Variants in HPSE2 observed in about 807,000 individuals in gnomAD.
HPSE2 encodes the protein heparanase 2 (inactive), also known as inactive heparanase-2.
Under a neutral mutation model 60.5 loss-of-function variants are expected in HPSE2, and 38 were observed. That is an observed-to-expected ratio of 0.63 (90% CI 0.48 to 0.82). The LOEUF is 0.82. Among genes scored for constraint, HPSE2 ranks in the 40% least tolerant of loss-of-function variants. HPSE2 has a pLI of 0.00. For missense variants in HPSE2, 713 were observed against 740.4 expected (o/e 0.96, Z 0.43); for synonymous variants, 295 against 293.2 (o/e 1.01, Z -0.06).
intron 6 of HPSE2, among the ~76,000 whole-genome samples, chr10:98,664,842 A>T (rs185458500): frequency 3.9e-5 from 6 of 152,342 alleles, no homozygotes; most frequent in African/African-American, 1.4e-4. Context: ...GCCCTCTCAG[A>T]TGAGAAAGAA....
intron 9 of HPSE2, among the ~76,000 whole-genome samples, chr10:98,600,925 A>ATATATATATATAT (rs1265653024): frequency 1.0e-4 from 3 of 29,166 alleles, no homozygotes; most frequent in East Asian, 2.2e-3. Flanking sequence ...ATATATATAT[A>ATATATATATATAT]TATATATATA....
intron 9 of HPSE2, among the ~76,000 whole-genome samples, chr10:98,592,328 C>A (rs985362483): frequency 6.6e-6 from 1 of 152,214 alleles, no homozygotes; most frequent in Non-Finnish European, 1.5e-5. Flanking sequence ...GAATAACCAG[C>A]CTTCTGTCAC....
intron 5 of HPSE2, among the ~76,000 whole-genome samples, chr10:98,708,779 T>C (rs962746118): frequency 2.6e-5 from 4 of 152,208 alleles, no homozygotes; most frequent in African/African-American, 7.2e-5. Flanking sequence ...CATCCTTCTC[T>C]TTTTAGAAAG....
At chr10:98,980,130 C>T (rs369591572) in intron 3 of HPSE2, among the ~76,000 whole-genome samples, 33 of 152,244 alleles carry the variant, frequency 2.2e-4, no homozygotes, top group African/African-American at 7.7e-4. Flanking sequence ...GGCTAAAACC[C>T]GAACTTTGCT....
intron 6 of HPSE2, among the ~76,000 whole-genome samples, chr10:98,651,715 G>A (rs1490768508): frequency 6.6e-6 from 1 of 151,546 alleles, no homozygotes; most frequent in Non-Finnish European, 1.5e-5. Flanking sequence ...AAAGATGACT[G>A]CTATCATTTT....
At chr10:99,305,929 G>T in the HPSE2 span, among the ~76,000 whole-genome samples, 789 of 136,256 alleles carry the variant, frequency 5.8e-3, 9 homozygotes, top group Non-Finnish European at 9.0e-3. Flanking sequence ...AAACTCAAAA[G>T]AAATCAATAG....
At chr10:98,533,989 G>A (rs1020289182) in intron 9 of HPSE2, among the ~76,000 whole-genome samples, 2 of 152,176 alleles carry the variant, frequency 1.3e-5, no homozygotes, top group African/African-American at 2.4e-5. Context: ...TTGTTGTTTT[G>A]TCTTAAGAAA....
chr10:99,311,204 G>C, the HPSE2 span, among the ~76,000 whole-genome samples: 1 of 152,092 alleles, frequency 6.6e-6, no homozygotes, highest in Admixed American at 6.5e-5. Flanking sequence ...GTACCCAATT[G>C]AGCAAAATAA....
chr10:98,711,539 A>C (rs1362953066), intron 5 of HPSE2, among the ~76,000 whole-genome samples: 1 of 152,142 alleles, frequency 6.6e-6, no homozygotes, highest in African/African-American at 2.4e-5. Flanking sequence ...TCCACAGTTC[A>C]TTAGCCATGT....
chr10:98,889,238 T>C (rs1386163854), intron 3 of HPSE2, among the ~76,000 whole-genome samples: 2 of 152,124 alleles, frequency 1.3e-5, no homozygotes, highest in African/African-American at 4.8e-5. Flanking sequence ...GATCTCATTC[T>C]GTCACCCAGG....
At chr10:98,515,786 T>C (rs1006685843) in intron 9 of HPSE2, among the ~76,000 whole-genome samples, 2 of 152,214 alleles carry the variant, frequency 1.3e-5, no homozygotes, top group African/African-American at 4.8e-5. Flanking sequence ...AAATGGGAGA[T>C]CTGATTATTT....
chr10:98,709,956 A>T (rs1384569854), intron 5 of HPSE2, among the ~76,000 whole-genome samples: 1 of 152,186 alleles, frequency 6.6e-6, no homozygotes, highest in East Asian at 1.9e-4. Context: ...ACATACTTTA[A>T]TAAGAGCATA....
chr10:98,774,161 T>A (rs2785221), intron 3 of HPSE2, among the ~76,000 whole-genome samples: 8,237 of 152,166 alleles, frequency 0.054, 715 homozygotes, highest in African/African-American at 0.18. Flanking sequence ...AATACATATA[T>A]ACATTCCTAT....
chr10:99,204,907 A>T (rs1252601865), intron 2 of HPSE2, among the ~76,000 whole-genome samples: 4 of 152,252 alleles, frequency 2.6e-5, no homozygotes, highest in Non-Finnish European at 2.9e-5. Flanking sequence ...ATTTTTCAAC[A>T]CTTTGCAGCC....
At chr10:98,800,932 C>T (rs1223032491) in intron 3 of HPSE2, among the ~76,000 whole-genome samples, 1 of 152,124 alleles carries the variant, frequency 6.6e-6, no homozygotes, top group African/African-American at 2.4e-5. Flanking sequence ...AAACAGAAAA[C>T]TACAGGCCAA....
chr10:98,486,588 G>A (rs1941449117), intron 10 of HPSE2, among the ~76,000 whole-genome samples: 1 of 152,168 alleles, frequency 6.6e-6, no homozygotes, highest in Non-Finnish European at 1.5e-5. Context: ...CTAAATGTAA[G>A]AGGTGGGGAA....
chr10:98,654,974 G>T (rs1169819379), intron 6 of HPSE2, among the ~76,000 whole-genome samples: 1 of 152,160 alleles, frequency 6.6e-6, no homozygotes, highest in Non-Finnish European at 1.5e-5. Flanking sequence ...GAGAGAATTT[G>T]TGTCTGGTGA....
the HPSE2 span, among the ~76,000 whole-genome samples, chr10:99,303,308 A>G: frequency 2.6e-5 from 4 of 152,170 alleles, no homozygotes; most frequent in Non-Finnish European, 5.9e-5. Context: ...GTCCATTTGA[A>G]TTCACTCATG....
intron 3 of HPSE2, among the ~76,000 whole-genome samples, chr10:98,898,488 C>A (rs11189860): frequency 6.6e-6 from 1 of 151,952 alleles, no homozygotes; most frequent in African/African-American, 2.4e-5. Context: ...GGGTATGGTA[C>A]GGTATGATTC....
Sources: gnomAD v4.1 joint callset for allele counts (sites outside exome capture counted in the v4.1 genomes callset) on GRCh38, gnomAD v4.1.1 for gene constraint, MANE v1.5 for transcripts, NCBI Gene and HGNC (gene_info 2026-07-23, HGNC 2026-07-21) for gene names.